Variants in SSB observed in about 807,000 individuals in gnomAD.
SSB encodes small RNA binding exonuclease protection factor La, also known as lupus La protein.
Under a neutral mutation model 52.9 loss-of-function variants are expected in SSB, and 17 were observed. The observed-to-expected ratio is 0.32, with a 90% CI of 0.22 to 0.48. SSB has a LOEUF of 0.48. Ranked by LOEUF, SSB falls within the 20% of genes least tolerant of loss-of-function variation. The pLI, the probability that SSB is intolerant of heterozygous loss-of-function variation, is 0.99. For synonymous variants in SSB, 111 were observed against 152.1 expected (o/e 0.73, Z 1.99); for missense variants, 314 against 463.6 (o/e 0.68, Z 2.96).
Position 169,810,263 on chromosome 2 carries a change from C to G in SSB, c.670-20C>G, listed in dbSNP as rs755938192. On this transcript the variant is annotated intron_variant, in intron 8 of 11. Transcript: ENST00000260956. ...TGTTGCTTTTAAGAAACTTTTTGAT[C>G]ACTTTGTATATTTTTATAGAAATCT... 1 of 1,573,148 alleles carries G rather than the reference C, an allele frequency of 6.4e-7. No individual in the cohort carries two copies. The highest frequency in any genetic ancestry group is 2.3e-5 in the East Asian group (1 of 43,594).
At position 169,811,670 on chromosome 2, in the gene SSB, C is replaced by T. The variant is rs1358250965; in HGVS notation, c.1141C>T (p.Pro381Ser). The part of the protein sequence containing the change: ...DEHDENGATG[P>S]VKRAREETDK... The stretch of plus-strand genomic sequence containing the variant: ...AAAAATTAATTGTTACGTTATAGGA[C>T]CTGTGAAAAGAGCAAGAGAAGAAAC... The change falls in exon 12 of 12, where the codon CCT (proline) becomes TCT (serine). Residue 381 changes from proline to serine, a missense_variant and splice_region_variant. Transcript: ENST00000260956. 6 of 1,610,756 alleles carry T rather than the reference C, an allele frequency of 3.7e-6. No homozygotes were observed. The highest frequency in any genetic ancestry group is 5.1e-6 in the Non-Finnish European group (6 of 1,179,044).
At chr2:169,808,935 G>GT (rs1248101207) in intron 8 of SSB, 33 bp downstream of exon 8, 1 of 1,529,008 alleles carries the variant, frequency 6.5e-7, no homozygotes, top group Non-Finnish European at 9.1e-7. Flanking sequence ...TAGTACATCT[G>GT]TAATTCGAAG....
chr2:169,810,240 T>C (rs2556351), intron 8 of SSB, 43 bp from the exon 9 acceptor site: 4 of 1,517,874 alleles, frequency 2.6e-6, no homozygotes, highest in Non-Finnish European at 3.6e-6. Flanking sequence ...TGGTCTGTTG[T>C]TGCTTTTAAG....
At position 169,812,023 on chromosome 2, in the gene SSB, AAACT is replaced by A. The variant is rs1420957350; in HGVS notation, c.*274_*277del. On this transcript the variant is annotated 3_prime_UTR_variant, in exon 12 of 12. Coordinates refer to ENST00000260956, the MANE Select transcript of SSB (RefSeq NM_003142.5). ...TTGTAATATGAGAATGTATTAGTACAAACTAACTAATAAAATATATACTATATGA... is the reference window on the plus strand; with the variant it reads ...TTGTAATATGAGAATGTATTAGTACAAACTAATAAAATATATACTATATGA... 21 of 748,650 alleles carry A rather than the reference AAACT, an allele frequency of 2.8e-5. No individual in the cohort carries two copies. Among genetic ancestry groups the A allele is most frequent in the East Asian group, 1.1e-4 (4 of 36,666 alleles). The allele number at this position is 748,650 out of a possible 1,614,324, so 46.4% of individuals were successfully genotyped here.
At chr2:169,805,432 A>G in intron 2 of SSB, 42 bp from the exon 3 acceptor site, 1 of 1,432,620 alleles carries the variant, frequency 7.0e-7, no homozygotes, top group East Asian at 2.3e-5. Flanking sequence ...ATTGGAGTCC[A>G]TATTATACAG....
rs73972618 is a variant in SSB at position 169,803,040 on chromosome 2, A to C, written c.66+2014A>C. 6.4e-3 allele frequency among the ~76,000 whole-genome samples: 979 copies of C among 152,320 alleles called. 9 individuals are homozygous for C. Among genetic ancestry groups the C allele is most frequent in the African/African-American group, 0.022 (932 of 41,560 alleles). On this transcript the variant is annotated intron_variant, in intron 2 of 11. Transcript: ENST00000260956. ...TTCTTAGAAGGAGCCATACTGGCTC[A>C]AGGATTATGCACATTTAAAAAACAC... is the stretch of plus-strand genomic sequence containing the variant.
chr2:169,801,947 T>G (rs1156990361), intron 2 of SSB, among the ~76,000 whole-genome samples: 1 of 152,156 alleles, frequency 6.6e-6, no homozygotes, highest in East Asian at 1.9e-4. Flanking sequence ...TTTGCAGTAC[T>G]GATGCAGGAG....
intron 2 of SSB, among the ~76,000 whole-genome samples, chr2:169,802,065 G>C (rs374967527): frequency 2.2e-4 from 33 of 152,130 alleles, no homozygotes; most frequent in Admixed American, 1.9e-3. Context: ...TTTACCTGTA[G>C]TCCTAGCTAC....
chr2:169,807,764 G>A (rs1384505114), intron 6 of SSB, among the ~76,000 whole-genome samples: 2 of 32,760 alleles, frequency 6.1e-5, no homozygotes, highest in Admixed American at 1.0e-3. Context: ...TTTTTTTACA[G>A]TACAAAGGAT....
At chr2:169,800,360 G>A (rs1459440762) in intron 1 of SSB, among the ~76,000 whole-genome samples, 15 of 151,888 alleles carry the variant, frequency 9.9e-5, no homozygotes, top group African/African-American at 3.4e-4. Context: ...GTGAAACCCC[G>A]TCTCTACTAA....
intron 2 of SSB, among the ~76,000 whole-genome samples, chr2:169,804,137 T>G (rs1043423762): frequency 2.0e-5 from 3 of 152,202 alleles, no homozygotes; most frequent in African/African-American, 7.2e-5. Flanking sequence ...GTCTTTTACT[T>G]TTTATGTTAC....
chr2:169,809,137 T>G (rs1052658788), intron 8 of SSB, among the ~76,000 whole-genome samples: 11 of 152,196 alleles, frequency 7.2e-5, no homozygotes, highest in Non-Finnish European at 1.5e-4. Flanking sequence ...TCCCAGCACT[T>G]TGGAAGGCCG....
chr2:169,807,186 G>A (rs552982135), intron 6 of SSB, 115 bp downstream of exon 6: 61 of 764,972 alleles, frequency 8.0e-5, no homozygotes, highest in Non-Finnish European at 1.3e-4. Context: ...ATCTTTAGAT[G>A]ACCTTTGAGA....
Position 169,811,662 on chromosome 2 carries a change from T to G in SSB, c.1139-6T>G. 6.2e-7 allele frequency: 1 copy of G among 1,609,446 alleles called. No homozygotes were observed. Among genetic ancestry groups the G allele is most frequent in the Non-Finnish European group, 8.5e-7 (1 of 1,178,702 alleles). ...AATTTAACAAAAATTAATTGTTACGTTATAGGACCTGTGAAAAGAGCAAGA... is the reference window on the plus strand; with the variant it reads ...AATTTAACAAAAATTAATTGTTACGGTATAGGACCTGTGAAAAGAGCAAGA... On this transcript the variant is annotated splice_polypyrimidine_tract_variant and splice_region_variant and intron_variant, in intron 11 of 11. Coordinates refer to ENST00000260956, the MANE Select transcript of SSB (RefSeq NM_003142.5).
At chr2:169,810,531 C>T (rs1490982780) in intron 9 of SSB, 108 bp downstream of exon 9, 1 of 1,068,064 alleles carries the variant, frequency 9.4e-7, no homozygotes, top group Non-Finnish European at 1.3e-6. Context: ...AAATTAGTTT[C>T]TACTTGATCA....
chr2:169,810,545 G>C, intron 9 of SSB, 122 bp downstream of exon 9: 1 of 912,506 alleles, frequency 1.1e-6, no homozygotes, highest in Non-Finnish European at 1.7e-6. Context: ...TTGATCATTT[G>C]TTATTGCCAC....
In SSB at chr2:169,809,758, GC is replaced by G. The variant is rs548804513; in HGVS notation, c.670-523del. ...CTCCCGAGTAGCTGGGACTACAGGC[GC>G]CTGCCACCACGTCCGGCTAATTTTT... is the stretch of plus-strand genomic sequence containing the variant. On this transcript the variant is annotated intron_variant, in intron 8 of 11. Coordinates refer to ENST00000260956, the MANE Select transcript of SSB (RefSeq NM_003142.5). Among the ~76,000 whole-genome samples, 1,023 of 151,800 alleles carry G rather than the reference GC, an allele frequency of 6.7e-3. 12 individuals carry two copies. The highest frequency in any genetic ancestry group is 0.023 in the African/African-American group (964 of 41,394).
At chr2:169,811,137 G>C (rs547781043) in intron 10 of SSB, 46 bp from the exon 11 acceptor site, 1 of 1,592,762 alleles carries the variant, frequency 6.3e-7, no homozygotes, top group African/African-American at 1.4e-5. Context: ...ATTGACAAGA[G>C]ACTTAAAAAA....
chr2:169,809,402 C>T (rs1463691885), intron 8 of SSB, among the ~76,000 whole-genome samples: 5 of 151,996 alleles, frequency 3.3e-5, no homozygotes, highest in Admixed American at 6.6e-5. Flanking sequence ...TATAATAAAA[C>T]ACAGGAAAAT....
Sources: gnomAD v4.1 joint callset for allele counts (sites outside exome capture counted in the v4.1 genomes callset) on GRCh38, gnomAD v4.1.1 for gene constraint, MANE v1.5 for transcripts, NCBI Gene and HGNC (gene_info 2026-07-23, HGNC 2026-07-21) for gene names.